Variants in TCTN2 observed in about 807,000 individuals in gnomAD.
The protein encoded by TCTN2 is tectonic-2.
A neutral mutation model predicts 83.4 loss-of-function variants in TCTN2; 66 were observed. That is an observed-to-expected ratio of 0.79 (90% CI 0.65 to 0.97). The LOEUF (loss-of-function observed/expected upper bound fraction) is 0.97, where lower values mean the gene tolerates loss of function less well. Ranked by LOEUF, TCTN2 falls within the 50% of genes least tolerant of loss-of-function variation. TCTN2 has a pLI of 0.00. For missense variants in TCTN2, 794 were observed against 858.1 expected, an observed-to-expected ratio of 0.93 and a Z score of 0.93; for synonymous variants, 301 against 326.7, an observed-to-expected ratio of 0.92 and a Z score of 0.85.
intron 4 of TCTN2, among the ~76,000 whole-genome samples, chr12:123,674,159 C>T (rs1955791472): frequency 6.6e-6 from 1 of 152,124 alleles, no homozygotes; most frequent in Non-Finnish European, 1.5e-5. Context: ...TAAGAAATTT[C>T]ATTTTGTACT....
At chr12:123,697,038 A>T in intron 12 of TCTN2, 49 bp from the exon 13 acceptor site, 1 of 1,433,118 alleles carries the variant, frequency 7.0e-7, no homozygotes, top group Non-Finnish European at 9.8e-7. Flanking sequence ...GTTAATCTTT[A>T]CTTTTGTTTA....
At chr12:123,704,407 TA>T in intron 14 of TCTN2, 124 bp from the exon 15 acceptor site, 1 of 974,294 alleles carries the variant, frequency 1.0e-6, no homozygotes, top group Non-Finnish European at 1.6e-6. Context: ...CTAGAGCCTG[TA>T]AGAGACTAAA....
In TCTN2 at chr12:123,706,863, G is replaced by A. The variant is rs1248269049; in HGVS notation, c.1895+12G>A. On this transcript the variant is annotated intron_variant, in intron 16 of 17. Coordinates refer to ENST00000303372, the MANE Select transcript of TCTN2 (RefSeq NM_024809.5). ...CACCCCCTGACAAGGTACTCCAGTT[G>A]CTCACCTAGTTGACATTAGGAAGCA... 8.1e-6 allele frequency: 13 copies of A among 1,614,000 alleles called. No individual in the cohort carries two copies. The Admixed American group carries it at 2.2e-4, about 27-fold the overall frequency.
chr12:123,679,454 C>T (rs1030610460), intron 5 of TCTN2, among the ~76,000 whole-genome samples, 165 bp downstream of exon 5: 1 of 152,080 alleles, frequency 6.6e-6, no homozygotes, highest in Non-Finnish European at 1.5e-5. Flanking sequence ...CTCGACCTCC[C>T]GGGCTCAAGT....
chr12:123,672,844 A>C (rs957921869), intron 3 of TCTN2, among the ~76,000 whole-genome samples: 1 of 152,216 alleles, frequency 6.6e-6, no homozygotes. Context: ...TGAGGTCAGG[A>C]GTTCAAGACC....
At chr12:123,699,145 AG>A (rs761441138) in intron 13 of TCTN2, among the ~76,000 whole-genome samples, 1 of 149,006 alleles carries the variant, frequency 6.7e-6, no homozygotes, top group Non-Finnish European at 1.5e-5. Flanking sequence ...TCCCAACTTA[AG>A]TTACTAACAT....
At chr12:123,672,778 C>A (rs1207591213) in intron 3 of TCTN2, among the ~76,000 whole-genome samples, 1 of 151,250 alleles carries the variant, frequency 6.6e-6, no homozygotes, top group African/African-American at 2.4e-5. Context: ...TGGTCAGGCG[C>A]GGTGGCTCAC....
At chr12:123,684,483 C>T (rs571999970) in intron 5 of TCTN2, among the ~76,000 whole-genome samples, 1 of 151,258 alleles carries the variant, frequency 6.6e-6, no homozygotes, top group South Asian at 2.1e-4. Flanking sequence ...CCGCTGCAAC[C>T]TCCGCCTCCC....
At chr12:123,703,459 G>A (rs1372202998) in intron 14 of TCTN2, among the ~76,000 whole-genome samples, 1 of 152,118 alleles carries the variant, frequency 6.6e-6, no homozygotes, top group Non-Finnish European at 1.5e-5. Flanking sequence ...TGGGATTACA[G>A]GCGTGAGCCA....
rs922493307 is a variant in TCTN2, at chr12:123,699,869, A to C, written c.1612+59A>C. 6.5e-6 allele frequency: 9 copies of C among 1,375,202 alleles called. No individual in the cohort carries two copies. The African/African-American group carries it at 1.3e-4, about 20-fold the overall frequency. 85.2% of individuals were successfully genotyped at this position (1,375,202 alleles called of 1,614,324 possible). A position where few individuals can be genotyped will look rare whatever the true frequency, so the allele number is the denominator to read the frequency against. On this transcript the variant is annotated intron_variant, in intron 14 of 17. Coordinates refer to ENST00000303372, the MANE Select transcript of TCTN2 (RefSeq NM_024809.5). ...CTTGGTTGCTGTGACTACCAACTGT[A>C]GTCGCAGCATTAGAGCCCAACCCAG... is the stretch of plus-strand genomic sequence containing the variant.
At chr12:123,693,573 C>G (rs1956072695) in intron 9 of TCTN2, among the ~76,000 whole-genome samples, 1 of 150,618 alleles carries the variant, frequency 6.6e-6, no homozygotes, top group African/African-American at 2.4e-5. Flanking sequence ...CTGCCTCAGT[C>G]TCCCAAGTAG....
At chr12:123,702,646 C>T (rs1013051813) in intron 14 of TCTN2, among the ~76,000 whole-genome samples, 2 of 152,180 alleles carry the variant, frequency 1.3e-5, no homozygotes, top group Non-Finnish European at 2.9e-5. Context: ...TCGAGCTTGT[C>T]AAGCCCTGGG....
chr12:123,688,178 G>A lies in TCTN2; in HGVS notation c.891+1G>A. 6.2e-7 allele frequency: 1 copy of A among 1,610,486 alleles called. No individual in the cohort carries two copies. The highest frequency in any genetic ancestry group is 2.2e-5 in the East Asian group (1 of 44,764). ...GAAGGCATATTTTACTATTCCGCAG[G>A]TAATCGTTGCAATATTAGTATGCTA... On this transcript the variant is annotated splice_donor_variant, in intron 7 of 17. Transcript: ENST00000303372. LOFTEE classifies it high-confidence loss of function.
At chr12:123,678,392 C>T (rs537138927) in intron 4 of TCTN2, among the ~76,000 whole-genome samples, 1 of 152,182 alleles carries the variant, frequency 6.6e-6, no homozygotes, top group African/African-American at 2.4e-5. Context: ...ATTTTGGATA[C>T]GTTGGGTTCA....
intron 5 of TCTN2, among the ~76,000 whole-genome samples, chr12:123,685,178 G>A (rs1209337845): frequency 2.0e-5 from 3 of 151,918 alleles, no homozygotes; most frequent in Non-Finnish European, 4.4e-5. Flanking sequence ...TTTTGCATGT[G>A]TTGTGCTGTG....
At chr12:123,690,506 TC>T (rs1308695943) in intron 7 of TCTN2, 26 bp from the exon 8 acceptor site, 10 of 1,614,150 alleles carry the variant, frequency 6.2e-6, no homozygotes, top group Non-Finnish European at 7.6e-6. Flanking sequence ...AGGCCATAAA[TC>T]TGTTGGCTTT....
chr12:123,690,864 A>G (rs894966030), intron 8 of TCTN2, among the ~76,000 whole-genome samples, 190 bp downstream of exon 8: 1 of 152,166 alleles, frequency 6.6e-6, no homozygotes, highest in African/African-American at 2.4e-5. Flanking sequence ...ATTGAAGTAA[A>G]ATTCAAATAA....
At chr12:123,696,877 C>T (rs1283176030) in intron 12 of TCTN2, 2 of 571,354 alleles carry the variant, frequency 3.5e-6, no homozygotes, top group African/African-American at 1.9e-5. Flanking sequence ...GGCAGTGTCA[C>T]TTCTGAAGAA....
In TCTN2 at chr12:123,696,174, AT is replaced by A. The variant is rs11337232; in HGVS notation, c.1313-229del. On this transcript the variant is annotated intron_variant, in intron 11 of 17. Coordinates refer to ENST00000303372, the MANE Select transcript of TCTN2 (RefSeq NM_024809.5). Reference sequence around the variant, plus strand: ...GGTATTCTTTTTGTGATAACAATGTATTTTTTTTTTTTACATAGTCTGTTGT... The same window carrying A: ...GGTATTCTTTTTGTGATAACAATGTATTTTTTTTTTTACATAGTCTGTTGT... The A allele has an allele frequency of 0.38, 157,857 of 415,660 alleles. 17,212 individuals carry two copies. The highest frequency in any genetic ancestry group is 0.42 in the African/African-American group (20,283 of 48,704). The allele number at this position is 415,660 out of a possible 1,614,324, so 25.7% of individuals were successfully genotyped here.
Sources: gnomAD v4.1 joint callset for allele counts (sites outside exome capture counted in the v4.1 genomes callset) on GRCh38, gnomAD v4.1.1 for gene constraint, MANE v1.5 for transcripts, NCBI Gene and HGNC (gene_info 2026-07-23, HGNC 2026-07-21) for gene names.